Variants in QTMAN observed in about 807,000 individuals in gnomAD.
QTMAN encodes the protein queuosine-tRNA mannosyltransferase, also known as tRNA-queuosine alpha-mannosyltransferase.
the QTMAN span, among the ~76,000 whole-genome samples, chr2:144,077,065 G>C: frequency 1.5e-5 from 2 of 132,570 alleles, no homozygotes; most frequent in African/African-American, 5.6e-5. Context: ...AAAAAAAAAA[G>C]AGAGATTAAG....
chr2:144,027,030 A>G, the QTMAN span, among the ~76,000 whole-genome samples: 1 of 152,240 alleles, frequency 6.6e-6, no homozygotes, highest in Non-Finnish European at 1.5e-5. Context: ...CAAAGTAGAG[A>G]AAAGCAGCTG....
At chr2:144,241,059 C>A in the QTMAN span, among the ~76,000 whole-genome samples, 1 of 152,186 alleles carries the variant, frequency 6.6e-6, no homozygotes, top group Non-Finnish European at 1.5e-5. Flanking sequence ...AGGGTGATTT[C>A]TTGATTTCTT....
At chr2:144,214,185 C>T in the QTMAN span, among the ~76,000 whole-genome samples, 559 of 152,108 alleles carry the variant, frequency 3.7e-3, 14 homozygotes, top group Admixed American at 0.03. Context: ...AACAACTTTC[C>T]TCAAAGTAAT....
At chr2:144,048,045 T>G in the QTMAN span, among the ~76,000 whole-genome samples, 3 of 152,192 alleles carry the variant, frequency 2.0e-5, no homozygotes, top group African/African-American at 7.2e-5. Flanking sequence ...TCACATTGGT[T>G]TGAAATCTGT....
the QTMAN span, among the ~76,000 whole-genome samples, chr2:144,310,201 T>C: frequency 0.013 from 1,934 of 152,120 alleles, 136 homozygotes; most frequent in Admixed American, 0.11. Flanking sequence ...ACCTGGGGGA[T>C]GAACATTACA....
At chr2:144,301,379 C>CGG in the QTMAN span, among the ~76,000 whole-genome samples, 1 of 152,106 alleles carries the variant, frequency 6.6e-6, no homozygotes, top group Non-Finnish European at 1.5e-5. Context: ...CGCACCACCA[C>CGG]GCCCAGCTAC....
At chr2:144,265,689 C>T in the QTMAN span, among the ~76,000 whole-genome samples, 19 of 152,186 alleles carry the variant, frequency 1.2e-4, 1 homozygote, top group Admixed American at 1.0e-3. Context: ...GGCGAGACTC[C>T]GTCTCAACAA....
chr2:143,959,189 TTC>T, the QTMAN span, among the ~76,000 whole-genome samples: 2 of 152,092 alleles, frequency 1.3e-5, no homozygotes, highest in South Asian at 2.1e-4. Flanking sequence ...AAGCATTATT[TTC>T]TGTTATATTT....
chr2:144,026,488 T>C, the QTMAN span, among the ~76,000 whole-genome samples: 3 of 152,094 alleles, frequency 2.0e-5, no homozygotes, highest in Non-Finnish European at 2.9e-5. Flanking sequence ...GTAAATAAAG[T>C]ATCACAAATT....
At chr2:144,080,142 T>G in the QTMAN span, among the ~76,000 whole-genome samples, 1 of 152,054 alleles carries the variant, frequency 6.6e-6, no homozygotes, top group Non-Finnish European at 1.5e-5. Context: ...CATTCCCAGA[T>G]CTCCTCTCAA....
chr2:144,254,294 C>T, the QTMAN span, among the ~76,000 whole-genome samples: 261 of 152,096 alleles, frequency 1.7e-3, no homozygotes, highest in Non-Finnish European at 2.8e-3. Context: ...TGGTTGTGGG[C>T]GCCTGTAATC....
At chr2:143,953,907 G>A in the QTMAN span, among the ~76,000 whole-genome samples, 1 of 151,860 alleles carries the variant, frequency 6.6e-6, no homozygotes, top group South Asian at 2.1e-4. Context: ...CTGTTTTTAA[G>A]TGGCTGATGT....
the QTMAN span, among the ~76,000 whole-genome samples, chr2:144,041,139 T>C: frequency 1.3e-5 from 2 of 152,194 alleles, no homozygotes; most frequent in Admixed American, 6.5e-5. Context: ...ATGCTAAATA[T>C]ATTCAAAATT....
the QTMAN span, among the ~76,000 whole-genome samples, chr2:144,291,136 C>A: frequency 1.3e-5 from 2 of 152,140 alleles, no homozygotes; most frequent in Non-Finnish European, 2.9e-5. Flanking sequence ...TACATTTCCC[C>A]TTTTTATAAG....
the QTMAN span, among the ~76,000 whole-genome samples, chr2:144,204,821 T>G: frequency 5.3e-5 from 8 of 151,886 alleles, no homozygotes; most frequent in African/African-American, 1.7e-4. Context: ...CCATAAAAAA[T>G]GATGAGTTCA....
At chr2:144,313,090 C>T in the QTMAN span, among the ~76,000 whole-genome samples, 31 of 152,292 alleles carry the variant, frequency 2.0e-4, no homozygotes, top group African/African-American at 7.2e-4. Context: ...TATCAATTTA[C>T]ACTTCTGGCA....
At chr2:143,949,030 TG>T in the QTMAN span, among the ~76,000 whole-genome samples, 3 of 151,944 alleles carry the variant, frequency 2.0e-5, no homozygotes, top group Non-Finnish European at 4.4e-5. Context: ...TTAAGAAAAA[TG>T]GTTTTAGGTT....
chr2:144,070,596 C>T, the QTMAN span, among the ~76,000 whole-genome samples: 1 of 152,078 alleles, frequency 6.6e-6, no homozygotes, highest in Admixed American at 6.6e-5. Flanking sequence ...ATACCAAGCA[C>T]AAAACTGCAG....
chr2:144,087,708 C>G, the QTMAN span, among the ~76,000 whole-genome samples: 1 of 152,018 alleles, frequency 6.6e-6, no homozygotes, highest in East Asian at 1.9e-4. Context: ...ACTATATAAT[C>G]ACCTCGACAG....
Sources: gnomAD v4.1 joint callset for allele counts (sites outside exome capture counted in the v4.1 genomes callset) on GRCh38, gnomAD v4.1.1 for gene constraint, MANE v1.5 for transcripts, NCBI Gene and HGNC (gene_info 2026-07-23, HGNC 2026-07-21) for gene names.